Variants in DMD observed in about 807,000 individuals in gnomAD.
DMD encodes the protein mutant dystrophin.
DMD carries 63 observed loss-of-function variants against 330.1 expected under a neutral mutation model. That is an observed-to-expected ratio of 0.19 (90% CI 0.16 to 0.24). The LOEUF is 0.24. Ranked by LOEUF, DMD falls within the 10% of genes least tolerant of loss-of-function variation. The pLI, the probability that DMD is intolerant of heterozygous loss-of-function variation, is 1.00. For synonymous variants in DMD, 1,223 were observed against 959.8 expected (o/e 1.27, Z -5.07); for missense variants, 3,344 against 2,684.1 (o/e 1.25, Z -5.43).
intron 62 of DMD, among the ~76,000 whole-genome samples, chrX:31,320,227 G>A (rs1189868533): frequency 1.8e-5 from 2 of 112,353 alleles, no homozygotes; most frequent in African/African-American, 3.2e-5. Context: ...ATGTCAGGAT[G>A]CAGGCATAAA....
rs371200621 is a variant in DMD, at chrX:31,374,319, T to C, written c.9085-25685A>G. ...CCATTTGACCCAGCCATCCCATTAC[T>C]GGGTATATACCCAAAGGACTATAAA... is the stretch of plus-strand genomic sequence containing the variant. On this transcript the variant is annotated intron_variant, in intron 60 of 78. Transcript: ENST00000357033. 5.3e-4 allele frequency among the ~76,000 whole-genome samples: 55 copies of C among 103,227 alleles called. No individual in the cohort carries two copies. The East Asian group carries it at 0.012, about 22-fold the overall frequency. The allele number at this position is 103,227 out of a possible 115,157, so 89.6% of individuals were successfully genotyped here.
intron 60 of DMD, among the ~76,000 whole-genome samples, chrX:31,409,508 T>C (rs1176407099): frequency 8.9e-6 from 1 of 112,468 alleles, no homozygotes; most frequent in African/African-American, 3.2e-5. Flanking sequence ...CTCAAGACTA[T>C]TGTGGCAATT....
At chrX:32,580,627 T>C (rs937366095) in intron 13 of DMD, among the ~76,000 whole-genome samples, 2 of 111,866 alleles carry the variant, frequency 1.8e-5, no homozygotes, top group African/African-American at 6.5e-5. Context: ...GATAAAAAAA[T>C]CAGCCTTTAT....
intron 7 of DMD, among the ~76,000 whole-genome samples, chrX:32,735,754 C>G (rs1349360159): frequency 1.8e-5 from 2 of 111,985 alleles, no homozygotes; most frequent in African/African-American, 3.3e-5. Flanking sequence ...ACACCTTATA[C>G]AAAAATCAAT....
At chrX:32,266,209 C>A (rs948848400) in intron 43 of DMD, among the ~76,000 whole-genome samples, 1 of 111,242 alleles carries the variant, frequency 9.0e-6, no homozygotes, top group Non-Finnish European at 1.9e-5. Context: ...TTATAAGGGG[C>A]TTTTCCCCCT....
chrX:32,113,442 T>C (rs2096597261), intron 44 of DMD, among the ~76,000 whole-genome samples: 1 of 112,347 alleles, frequency 8.9e-6, no homozygotes, highest in Non-Finnish European at 1.9e-5. Context: ...ACAATTATTA[T>C]GTATCAATTT....
chrX:33,201,504 C>T (rs1412069497), intron 1 of DMD, among the ~76,000 whole-genome samples: 1 of 111,251 alleles, frequency 9.0e-6, no homozygotes, highest in African/African-American at 3.3e-5. Context: ...CATTGCTTAA[C>T]TCCAGGGGTG....
chrX:32,297,263 ATTTATTTAT>A (rs1369191225), intron 42 of DMD, among the ~76,000 whole-genome samples: 1 of 102,110 alleles, frequency 9.8e-6, no homozygotes, highest in Non-Finnish European at 2.0e-5. Context: ...TTATTTATTT[ATTTATTTAT>A]TATTTATTTA....
intron 1 of DMD, among the ~76,000 whole-genome samples, chrX:33,104,932 A>C (rs2148396183): frequency 8.9e-6 from 1 of 112,322 alleles, no homozygotes; most frequent in African/African-American, 3.2e-5. Context: ...TATCAGAGCT[A>C]AATATATGTA....
chrX:32,335,461 G>T (rs966504830), intron 41 of DMD, among the ~76,000 whole-genome samples: 15 of 102,367 alleles, frequency 1.5e-4, no homozygotes, highest in Non-Finnish European at 7.8e-5. Flanking sequence ...GTATATACAT[G>T]TATATATAAC....
At chrX:31,717,036 T>C (rs1478894160) in intron 52 of DMD, among the ~76,000 whole-genome samples, 1 of 111,201 alleles carries the variant, frequency 9.0e-6, no homozygotes, top group Non-Finnish European at 1.9e-5. Context: ...TTAATATCTT[T>C]GATAGTTGGT....
intron 1 of DMD, among the ~76,000 whole-genome samples, chrX:33,039,737 C>A (rs1056163692): frequency 1.7e-4 from 19 of 110,911 alleles, no homozygotes; most frequent in African/African-American, 5.9e-4. Context: ...ATTAACATGT[C>A]GAATGTGGAT....
chrX:31,336,046 T>C (rs953262525), intron 61 of DMD, among the ~76,000 whole-genome samples: 10 of 112,841 alleles, frequency 8.9e-5, no homozygotes, highest in Non-Finnish European at 1.9e-4. Flanking sequence ...GTAAGGGGTA[T>C]GATCTTGGGT....
chrX:31,370,007 G>A (rs1207675675), intron 60 of DMD, among the ~76,000 whole-genome samples: 4 of 107,255 alleles, frequency 3.7e-5, no homozygotes, highest in Non-Finnish European at 7.7e-5. Context: ...GCTGAGGCAG[G>A]AGAATGGCGT....
rs6631399 is a variant in DMD at position 31,785,775 on chromosome X, C to G, written c.7310-11583G>C. The stretch of plus-strand genomic sequence containing the variant: ...TTCATCCATGTCCTTACAAAGGACA[C>G]GAACGCATCCTTTTTTATGGCTGCA... On this transcript the variant is annotated intron_variant, in intron 50 of 78. Coordinates refer to ENST00000357033, the MANE Select transcript of DMD (RefSeq NM_004006.3). Among the ~76,000 whole-genome samples the G allele has an allele frequency of 2.7e-5, 3 of 110,890 alleles. No individual in the cohort carries two copies. In the East Asian group the frequency reaches 8.6e-4, roughly 32 times the overall value.
At position 31,466,570 on chromosome X, in the gene DMD, T is replaced by C. The variant is rs1484595926; in HGVS notation, c.8937+11536A>G. The stretch of plus-strand genomic sequence containing the variant: ...TACTGTTTTGGTTACTGAAGCCTTG[T>C]AGTATAGTTTGAAGTCAGGTAGCAT... On this transcript the variant is annotated intron_variant, in intron 59 of 78. Transcript: ENST00000357033. 3.6e-5 allele frequency among the ~76,000 whole-genome samples: 4 copies of C among 112,007 alleles called. No individual in the cohort carries two copies. In the East Asian group the frequency reaches 1.1e-3, roughly 31 times the overall value.
intron 49 of DMD, among the ~76,000 whole-genome samples, chrX:31,824,708 C>A (rs1382539842): frequency 9.0e-6 from 1 of 111,285 alleles, no homozygotes; most frequent in African/African-American, 3.2e-5. Context: ...ATTATTGTCA[C>A]ATTTCAGTAA....
intron 55 of DMD, among the ~76,000 whole-genome samples, chrX:31,543,741 A>T (rs1041387942): frequency 1.8e-5 from 2 of 111,719 alleles, no homozygotes; most frequent in Admixed American, 1.9e-4. Flanking sequence ...AAGATATGAG[A>T]GTGATGAAGA....
intron 26 of DMD, among the ~76,000 whole-genome samples, chrX:32,453,702 A>G (rs1398010590): frequency 1.8e-5 from 2 of 110,788 alleles, no homozygotes; most frequent in African/African-American, 6.5e-5. Context: ...CCAGTTCACA[A>G]ACGAAGGAAT....
Sources: gnomAD v4.1 joint callset for allele counts (sites outside exome capture counted in the v4.1 genomes callset) on GRCh38, gnomAD v4.1.1 for gene constraint, MANE v1.5 for transcripts, NCBI Gene and HGNC (gene_info 2026-07-23, HGNC 2026-07-21) for gene names.